NAA60: variants seen among roughly 807,000 people sequenced by gnomAD.
NAA60 encodes the protein N-alpha-acetyltransferase 60.
Under a neutral mutation model 26.1 loss-of-function variants are expected in NAA60, and 8 were observed. The observed-to-expected ratio is 0.31, with a 90% confidence interval of 0.18 to 0.55. The LOEUF (loss-of-function observed/expected upper bound fraction) is 0.55. Ranked by LOEUF, NAA60 falls within the 20% of genes least tolerant of loss-of-function variation. NAA60 has a pLI of 0.93. For missense variants in NAA60, 290 were observed against 311.3 expected, an observed-to-expected ratio of 0.93 and a Z score of 0.51; for synonymous variants, 131 against 122.5, an observed-to-expected ratio of 1.07 and a Z score of -0.46.
intron 2 of NAA60, among the ~76,000 whole-genome samples, chr16:3,459,943 G>A (rs1367619132): frequency 6.6e-6 from 1 of 152,214 alleles, no homozygotes; most frequent in Non-Finnish European, 1.5e-5. Context: ...GATGTGAGGA[G>A]ATTTGAATGA....
chr16:3,477,727 C>G (rs988492302), intron 3 of NAA60, among the ~76,000 whole-genome samples: 5 of 150,452 alleles, frequency 3.3e-5, no homozygotes, highest in African/African-American at 1.2e-4. Context: ...GTCAGGAGTT[C>G]GAGACCAGCC....
At chr16:3,448,322 A>T (rs891836354) in intron 1 of NAA60, 149 bp from the exon 2 acceptor site, 2 of 535,628 alleles carry the variant, frequency 3.7e-6, no homozygotes, top group Admixed American at 7.0e-5. Flanking sequence ...TTAGAGAACT[A>T]CATGTTTAGA....
At chr16:3,457,283 CA>C (rs1023524573) in intron 2 of NAA60, among the ~76,000 whole-genome samples, 1 of 150,662 alleles carries the variant, frequency 6.6e-6, no homozygotes, top group African/African-American at 2.5e-5. Context: ...CCCATCCCTA[CA>C]AAAAAACAAA....
intron 6 of NAA60, 118 bp downstream of exon 6, chr16:3,483,715 G>A (rs1170357984): frequency 2.6e-6 from 2 of 759,970 alleles, no homozygotes; most frequent in Non-Finnish European, 4.5e-6. Flanking sequence ...CAAGCTTATG[G>A]ATGCTTCTCT....
At chr16:3,448,186 A>T (rs1371796229) in intron 1 of NAA60, among the ~76,000 whole-genome samples, 1 of 151,176 alleles carries the variant, frequency 6.6e-6, no homozygotes, top group South Asian at 2.1e-4. Context: ...AAGCAAGAGA[A>T]TCACTTGAGT....
intron 1 of NAA60, chr16:3,447,614 G>T: frequency 1.0e-6 from 1 of 985,330 alleles, no homozygotes; most frequent in Non-Finnish European, 1.2e-6. Context: ...ACACTAAGGG[G>T]GCCTAGGTAA....
intron 2 of NAA60, among the ~76,000 whole-genome samples, chr16:3,475,280 G>A (rs2036408740): frequency 6.6e-6 from 1 of 152,078 alleles, no homozygotes; most frequent in Admixed American, 6.6e-5. Flanking sequence ...TGTAGAGACA[G>A]GGTTTTGCCA....
At chr16:3,483,747 G>T (rs1027719021) in intron 6 of NAA60, 150 bp downstream of exon 6, 4 of 653,762 alleles carry the variant, frequency 6.1e-6, no homozygotes, top group Non-Finnish European at 1.1e-5. Flanking sequence ...TCGTGTTGTG[G>T]GTAAACCTGA....
At chr16:3,457,936 T>G (rs1260227492) in intron 2 of NAA60, 14 of 968,166 alleles carry the variant, frequency 1.4e-5, no homozygotes, top group Non-Finnish European at 1.7e-5. Context: ...GCTCCCAACA[T>G]GGCGGCAGCG....
At chr16:3,453,409 GA>G (rs200234589) in intron 2 of NAA60, among the ~76,000 whole-genome samples, 5 of 150,838 alleles carry the variant, frequency 3.3e-5, no homozygotes, top group African/African-American at 1.2e-4. Flanking sequence ...ATGAAATCAT[GA>G]AAAAAAATTT....
rs992582209 is a variant in NAA60 at position 3,443,777 on chromosome 16, G to C, written c.-137G>C. 2.6e-6 allele frequency: 4 copies of C among 1,534,200 alleles called. No homozygotes were observed. The highest frequency in any genetic ancestry group is 3.5e-6 in the Non-Finnish European group (4 of 1,146,144). ...CCCCAGGGGGACGTAATGTTTCCGA[G>C]AAGAAGGACAGAAAGAAGACTGGGA... On this transcript the variant is annotated 5_prime_UTR_variant, in exon 1 of 8. Coordinates refer to ENST00000407558, the MANE Select transcript of NAA60 (RefSeq NM_001083601.3).
chr16:3,448,287 A>C (rs1225970324), intron 1 of NAA60, among the ~76,000 whole-genome samples, 184 bp from the exon 2 acceptor site: 2 of 151,238 alleles, frequency 1.3e-5, no homozygotes, highest in African/African-American at 2.5e-5. Flanking sequence ...AAAAAAAAAA[A>C]AAAAAACATG....
At chr16:3,459,917 T>C (rs3810811) in intron 2 of NAA60, among the ~76,000 whole-genome samples, 9,064 of 152,272 alleles carry the variant, frequency 0.06, 359 homozygotes, top group Admixed American at 0.083. Context: ...CAGATTAGAA[T>C]GGAAGAAAGT....
At chr16:3,455,436 C>T (rs2034949570) in intron 2 of NAA60, among the ~76,000 whole-genome samples, 1 of 148,022 alleles carries the variant, frequency 6.8e-6, no homozygotes, top group Admixed American at 6.7e-5. Context: ...TGTCTGTCAC[C>T]CAGGCTGGAG....
intron 2 of NAA60, chr16:3,458,151 C>T: frequency 1.0e-6 from 1 of 985,126 alleles, no homozygotes; most frequent in Non-Finnish European, 1.2e-6. Flanking sequence ...AGCCCTACAA[C>T]ACCCCCAGCG....
chr16:3,484,612 C>T (rs2037057208), intron 6 of NAA60, 87 bp from the exon 7 acceptor site: 1 of 1,501,642 alleles, frequency 6.7e-7, no homozygotes, highest in African/African-American at 1.4e-5. Context: ...TGCACACAGT[C>T]CCACAGGCCA....
In NAA60 at chr16:3,445,488, C is replaced by G. The variant is rs528940915; in HGVS notation, c.-77+1651C>G. Among the ~76,000 whole-genome samples the G allele has an allele frequency of 4.0e-5, 6 of 151,464 alleles. No individual in the cohort carries two copies. In the East Asian group the frequency reaches 1.2e-3, roughly 29 times the overall value. ...TAGAGATGGGGTTTCATCATGTTGG[C>G]CAGGATGGTCTCGATCTCGTGACCT... On this transcript the variant is annotated intron_variant, in intron 1 of 7. Transcript: ENST00000407558.
intron 2 of NAA60, among the ~76,000 whole-genome samples, chr16:3,464,645 A>T (rs2035624159): frequency 6.6e-6 from 1 of 152,212 alleles, no homozygotes; most frequent in Non-Finnish European, 1.5e-5. Context: ...TTAGTCAAGA[A>T]TGCTGTTCAA....
chr16:3,470,728 C>T (rs145457960), intron 2 of NAA60, among the ~76,000 whole-genome samples: 10 of 152,360 alleles, frequency 6.6e-5, no homozygotes, highest in South Asian at 2.1e-4. Flanking sequence ...GCATGAACCC[C>T]TGACTCTAGA....
Sources: gnomAD v4.1 joint callset for allele counts (sites outside exome capture counted in the v4.1 genomes callset) on GRCh38, gnomAD v4.1.1 for gene constraint, MANE v1.5 for transcripts, NCBI Gene and HGNC (gene_info 2026-07-23, HGNC 2026-07-21) for gene names.